The following NEURL1B variants were observed in gnomAD, a reference collection of about 807,000 sequenced individuals.
NEURL1B encodes neuralized E3 ubiquitin protein ligase 1B.
In NEURL1B, 13 loss-of-function variants were observed where a neutral mutation model predicts 37.4. The ratio of observed to expected loss-of-function variants is 0.35; its 90% confidence interval spans 0.23 to 0.55. The LOEUF (loss-of-function observed/expected upper bound fraction) is 0.55. Among genes scored for constraint, NEURL1B ranks in the 20% least tolerant of loss-of-function variants. The pLI, the probability that NEURL1B is intolerant of heterozygous loss-of-function variation, is 0.89. For synonymous variants in NEURL1B, 432 were observed against 426.6 expected, an observed-to-expected ratio of 1.01 and a Z score of -0.16; for missense variants, 790 against 879.2, an observed-to-expected ratio of 0.90 and a Z score of 1.28.
intron 1 of NEURL1B, among the ~76,000 whole-genome samples, chr5:172,660,303 G>A (rs1399943455): frequency 2.0e-5 from 3 of 152,204 alleles, no homozygotes; most frequent in East Asian, 1.9e-4. Flanking sequence ...AGGGGGCGTC[G>A]GGATGACCTC....
At chr5:172,681,300 C>G (rs80181662) in intron 2 of NEURL1B, among the ~76,000 whole-genome samples, 7,852 of 152,238 alleles carry the variant, frequency 0.052, 216 homozygotes, top group African/African-American at 0.056. Context: ...AAGAAAAGTC[C>G]TTCATGATCT....
chr5:172,654,571 A>ATT (rs34546667), intron 1 of NEURL1B, among the ~76,000 whole-genome samples: 13 of 137,028 alleles, frequency 9.5e-5, no homozygotes, highest in African/African-American at 1.4e-4. Flanking sequence ...GAGTTAAACT[A>ATT]TTTTTTTTTT....
At position 172,659,002 on chromosome 5, in the gene NEURL1B, C is replaced by G. The variant is rs11741155; in HGVS notation, c.32-10783C>G. On this transcript the variant is annotated intron_variant, in intron 1 of 4. Transcript: ENST00000369800. The stretch of plus-strand genomic sequence containing the variant: ...TGGCCTCTGAGGAGCTCAAAACAAG[C>G]TGATTGATGACATCCACCACCACCC... Among the ~76,000 whole-genome samples the G allele has an allele frequency of 2.8e-4, 43 of 150,992 alleles. 1 individual carries two copies. The highest frequency in any genetic ancestry group is 1.0e-3 in the African/African-American group (41 of 41,024).
In NEURL1B at chr5:172,686,187, C is replaced by G; in HGVS notation, c.1314C>G (p.Ser438Arg). The G allele has an allele frequency of 1.3e-6, 2 of 1,551,646 alleles. No individual in the cohort carries two copies. The highest frequency in any genetic ancestry group is 8.7e-7 in the Non-Finnish European group (1 of 1,146,948). The change falls in exon 4 of 5, where the codon AGC becomes AGG. Residue 438 changes from serine (S) to arginine (R), a missense_variant. Physicochemically the swap from Ser to Arg is moderately radical, Grantham distance 110. Coordinates refer to ENST00000369800, the MANE Select transcript of NEURL1B (RefSeq NM_001142651.3). This position sits in a 1 kb window ranked among gnomAD's most constrained non-coding sequence, Gnocchi z 7.9. ...GGGCCTCAGGTACCCTGCAGTCCAGCCCTGCGACCACGACTCCATCAGGGT... is the reference window on the plus strand; with the variant it reads ...GGGCCTCAGGTACCCTGCAGTCCAGGCCTGCGACCACGACTCCATCAGGGT... ...QLRLLGTLQS[S>R]PATTTPSGSL...
chr5:172,670,746 C>T (rs1471607884), intron 2 of NEURL1B, among the ~76,000 whole-genome samples: 1 of 152,220 alleles, frequency 6.6e-6, no homozygotes, highest in Non-Finnish European at 1.5e-5. Flanking sequence ...TATTCATTTG[C>T]TCACTCCTTC....
rs1287431301 is a variant in NEURL1B, at chr5:172,683,795, G to A, written c.954G>A (p.Arg318=). Residue 318 remains arginine (R), a synonymous_variant, in exon 3 of 5, where the codon CGG becomes CGA. Coordinates refer to ENST00000369800, the MANE Select transcript of NEURL1B (RefSeq NM_001142651.3). This position sits in a 1 kb window ranked among gnomAD's most constrained non-coding sequence, Gnocchi z 5.6. Reference sequence around the variant, plus strand: ...TGGTCTTCTCCGAGCGCCCGCTGCGGCCCGGCGAGAGCCTCTTCGTGGAGG... The same window carrying A: ...TGGTCTTCTCCGAGCGCCCGCTGCGACCCGGCGAGAGCCTCTTCGTGGAGG... ...RTLVFSERPL[R]PGESLFVEVG... is the part of the protein sequence containing the mutation. 4.6e-6 allele frequency: 6 copies of A among 1,299,648 alleles called. No homozygotes were observed. Among genetic ancestry groups the A allele is most frequent in the South Asian group, 1.9e-5 (1 of 52,872 alleles). 80.5% of individuals were successfully genotyped at this position (1,299,648 alleles called of 1,614,324 possible).
At position 172,677,230 on chromosome 5, in the gene NEURL1B, C is replaced by T. The variant is rs12517816; in HGVS notation, c.578-6189C>T. The stretch of plus-strand genomic sequence containing the variant: ...TCCAAACAGACCAGGCCAGCACCCA[C>T]CTCCTCACCCCAGCGTAAATCATTT... On this transcript the variant is annotated intron_variant, in intron 2 of 4. Transcript: ENST00000369800. Among the ~76,000 whole-genome samples, 528 of 152,274 alleles carry T rather than the reference C, an allele frequency of 3.5e-3. 3 individuals are homozygous for T. Among genetic ancestry groups the T allele is most frequent in the Non-Finnish European group, 4.7e-3 (323 of 68,018 alleles).
intron 2 of NEURL1B, among the ~76,000 whole-genome samples, chr5:172,682,094 G>A (rs1171622279): frequency 3.9e-5 from 6 of 152,128 alleles, no homozygotes; most frequent in Non-Finnish European, 7.4e-5. Context: ...CACAGACCCT[G>A]CCCTCAAGAG....
chr5:172,675,016 C>T lies in NEURL1B; in HGVS notation c.577+4686C>T, dbSNP rs1758205673. On this transcript the variant is annotated intron_variant, in intron 2 of 4. Coordinates refer to ENST00000369800, the MANE Select transcript of NEURL1B (RefSeq NM_001142651.3). The surrounding 1 kb of genome is among the most constrained non-coding windows in gnomAD (Gnocchi z 4.7). ...TCCCAAGTAGCTGGGATGACAGGCG[C>T]CTGCCACCACGCCCGGCTAATTTTT... is the stretch of plus-strand genomic sequence containing the variant. 6.6e-6 allele frequency among the ~76,000 whole-genome samples: 1 copy of T among 152,014 alleles called. No individual in the cohort carries two copies. Among genetic ancestry groups the T allele is most frequent in the Non-Finnish European group, 1.5e-5 (1 of 67,998 alleles).
Position 172,670,260 on chromosome 5 carries a change from C to T in NEURL1B, c.507C>T (p.Gly169=). Residue 169 remains glycine (G), a synonymous_variant, in exon 2 of 5, where the codon GGC becomes GGT. Transcript: ENST00000369800. ...NDGEPVLFHC[G]VAVGGPLWAL... is the part of the protein sequence containing the mutation. Reference sequence around the variant, plus strand: ...GCGAGCCGGTGCTCTTCCACTGCGGCGTGGCCGTGGGCGGCCCGCTCTGGG... The same window carrying T: ...GCGAGCCGGTGCTCTTCCACTGCGGTGTGGCCGTGGGCGGCCCGCTCTGGG... 1 of 1,391,118 alleles carries T rather than the reference C, an allele frequency of 7.2e-7. No homozygotes were observed. The highest frequency in any genetic ancestry group is 9.3e-7 in the Non-Finnish European group (1 of 1,076,966). The allele number at this position is 1,391,118 out of a possible 1,614,324, so 86.2% of individuals were successfully genotyped here.
chr5:172,679,006 G>C (rs554870443), intron 2 of NEURL1B, among the ~76,000 whole-genome samples: 1 of 152,238 alleles, frequency 6.6e-6, no homozygotes, highest in South Asian at 2.1e-4. Context: ...CAGCCTCCTC[G>C]TACCTGACTG....
chr5:172,668,775 GC>G lies in NEURL1B; in HGVS notation c.32-1004del, dbSNP rs894236871. On this transcript the variant is annotated intron_variant, in intron 1 of 4. Transcript: ENST00000369800. Reference sequence around the variant, plus strand: ...CCCTGCCACCTCCCAGGATCCCAGAGCCCCCCAGGAACCGCCCCTAGGATGG... The same window carrying G: ...CCCTGCCACCTCCCAGGATCCCAGAGCCCCCAGGAACCGCCCCTAGGATGG... Among the ~76,000 whole-genome samples, 6 of 152,254 alleles carry G rather than the reference GC, an allele frequency of 3.9e-5. No homozygotes were observed. The East Asian group carries it at 7.7e-4, about 20-fold the overall frequency.
rs562554224 is a variant in NEURL1B, at chr5:172,690,408, G to C, written c.*3483G>C. Reference sequence around the variant, plus strand: ...GCTGGTCCTGTGCCAGCACGTAGTAGTTACTCAGTAGAGGTTTGCTGAGTA... The same window carrying C: ...GCTGGTCCTGTGCCAGCACGTAGTACTTACTCAGTAGAGGTTTGCTGAGTA... On this transcript the variant is annotated 3_prime_UTR_variant, in exon 5 of 5. Coordinates refer to ENST00000369800, the MANE Select transcript of NEURL1B (RefSeq NM_001142651.3). The C allele has an allele frequency of 6.6e-6, 1 of 152,226 alleles. No individual in the cohort carries two copies. Among genetic ancestry groups the C allele is most frequent in the Non-Finnish European group, 1.5e-5 (1 of 68,042 alleles). 9.4% of individuals were successfully genotyped at this position (152,226 alleles called of 1,614,324 possible). A position where few individuals can be genotyped will look rare whatever the true frequency, so the allele number is the denominator to read the frequency against.
intron 1 of NEURL1B, among the ~76,000 whole-genome samples, chr5:172,651,543 G>A (rs1437635469): frequency 1.3e-5 from 2 of 152,206 alleles, no homozygotes; most frequent in Non-Finnish European, 2.9e-5. Context: ...TGTTGTTTGG[G>A]ATGAAGGTGC....
In NEURL1B at chr5:172,657,032, G is replaced by A. The variant is rs1226780447; in HGVS notation, c.32-12753G>A. On this transcript the variant is annotated intron_variant, in intron 1 of 4. Coordinates refer to ENST00000369800, the MANE Select transcript of NEURL1B (RefSeq NM_001142651.3). The surrounding 1 kb of genome is among the most constrained non-coding windows in gnomAD (Gnocchi z 4.0). ...AGTAGGACCAAATAGTCCTGCTATAGACTATTTGAGTCAGTCCCTCACGTC... is the reference window on the plus strand; with the variant it reads ...AGTAGGACCAAATAGTCCTGCTATAAACTATTTGAGTCAGTCCCTCACGTC... Among the ~76,000 whole-genome samples the A allele has an allele frequency of 6.6e-6, 1 of 152,184 alleles. No homozygotes were observed. Among genetic ancestry groups the A allele is most frequent in the Non-Finnish European group, 1.5e-5 (1 of 68,030 alleles).
chr5:172,685,141 A>T (rs192134338), intron 3 of NEURL1B, among the ~76,000 whole-genome samples: 1 of 152,184 alleles, frequency 6.6e-6, no homozygotes, highest in African/African-American at 2.4e-5. Flanking sequence ...CCTTCTGTAG[A>T]AAGAGAGTGA....
Position 172,670,176 on chromosome 5 carries a change from C to T in NEURL1B, c.423C>T (p.Asp141=), listed in dbSNP as rs1338099028. 1.3e-6 allele frequency: 2 copies of T among 1,490,904 alleles called. No individual in the cohort carries two copies. Among genetic ancestry groups the T allele is most frequent in the South Asian group, 1.3e-5 (1 of 77,790 alleles). 92.4% of individuals were successfully genotyped at this position (1,490,904 alleles called of 1,614,324 possible). A position where few individuals can be genotyped will look rare whatever the true frequency, so the allele number is the denominator to read the frequency against. Reference sequence around the variant, plus strand: ...TGCCCGAGAACCTGGCGCTGCGCGACACGGTGCTGGCCTACTGGGCCGACC... The same window carrying T: ...TGCCCGAGAACCTGGCGCTGCGCGATACGGTGCTGGCCTACTGGGCCGACC... The part of the protein sequence containing the change: ...KALPENLALR[D]TVLAYWADRH... The change falls in exon 2 of 5, where the codon GAC becomes GAT. Residue 141 remains aspartate (D), a synonymous_variant. Coordinates refer to ENST00000369800, the MANE Select transcript of NEURL1B (RefSeq NM_001142651.3).
intron 1 of NEURL1B, among the ~76,000 whole-genome samples, chr5:172,660,295 G>T (rs1757871195): frequency 6.6e-6 from 1 of 152,328 alleles, no homozygotes; most frequent in Admixed American, 6.5e-5. Context: ...ATGCTTTGAG[G>T]GGGCGTCGGG....
Position 172,665,791 on chromosome 5 carries a change from A to G in NEURL1B, c.32-3994A>G, listed in dbSNP as rs1192625827. 7.1e-6 allele frequency among the ~76,000 whole-genome samples: 1 copy of G among 141,354 alleles called. No individual in the cohort carries two copies. The highest frequency in any genetic ancestry group is 1.5e-5 in the Non-Finnish European group (1 of 65,776). 92.7% of individuals were successfully genotyped at this position (141,354 alleles called of 152,430 possible). Reference sequence around the variant, plus strand: ...GCTCAGTGGGCATCCCACTATTCCCAGCCCCTAACTGAGTCCAGGGCCTCC... The same window carrying G: ...GCTCAGTGGGCATCCCACTATTCCCGGCCCCTAACTGAGTCCAGGGCCTCC... On this transcript the variant is annotated intron_variant, in intron 1 of 4. Transcript: ENST00000369800. This position sits in a 1 kb window ranked among gnomAD's most constrained non-coding sequence, Gnocchi z 4.1.
Sources: gnomAD v4.1 joint callset for allele counts (sites outside exome capture counted in the v4.1 genomes callset) on GRCh38, gnomAD v4.1.1 for gene constraint, Gnocchi (gnomAD v3.1) non-coding constraint, MANE v1.5 for transcripts, NCBI Gene and HGNC (gene_info 2026-07-23, HGNC 2026-07-21) for gene names.